Variants in MICAL2 observed in about 807,000 individuals in gnomAD.
The protein encoded by MICAL2 is microtubule associated monooxygenase, calponin and LIM domain containing 2, also known as [F-actin]-monooxygenase MICAL2.
MICAL2 carries 77 observed loss-of-function variants against 127.3 expected under a neutral mutation model. That is an observed-to-expected ratio of 0.60 (90% CI 0.50 to 0.73). The LOEUF is 0.73. Ranked by LOEUF, MICAL2 falls within the 30% of genes least tolerant of loss-of-function variation. MICAL2 has a pLI of 0.00. For synonymous variants in MICAL2, 570 were observed against 551.1 expected (o/e 1.03, Z -0.48); for missense variants, 1,351 against 1,434.4 (o/e 0.94, Z 0.94).
chr11:12,259,028 T>C (rs1862733937), intron 25 of MICAL2, among the ~76,000 whole-genome samples: 1 of 152,272 alleles, frequency 6.6e-6, no homozygotes, highest in Non-Finnish European at 1.5e-5. Flanking sequence ...GCATCTCTTC[T>C]GGCATCTCTT....
chr11:12,298,931 T>G (rs1215177315), intron 29 of MICAL2, among the ~76,000 whole-genome samples: 1 of 152,194 alleles, frequency 6.6e-6, no homozygotes, highest in African/African-American at 2.4e-5. Flanking sequence ...TATTTAACAT[T>G]TTTGCATTTA....
intron 1 of MICAL2, among the ~76,000 whole-genome samples, chr11:12,130,816 T>G (rs1851353344): frequency 1.3e-5 from 2 of 152,250 alleles, no homozygotes; most frequent in South Asian, 4.1e-4. Context: ...GCCTGGCAGG[T>G]CTGCAGAGCA....
chr11:12,260,551 G>A (rs1421100354), intron 26 of MICAL2: 6 of 1,003,900 alleles, frequency 6.0e-6, no homozygotes, highest in Non-Finnish European at 7.1e-6. Context: ...AGTTATCAAA[G>A]CCACTGCCTG....
Position 12,224,765 on chromosome 11 carries a change from T to TG in MICAL2, c.1635dup (p.Arg546AlafsTer16). 1.2e-6 allele frequency: 2 copies of TG among 1,614,218 alleles called. No individual in the cohort carries two copies. The highest frequency in any genetic ancestry group is 1.7e-6 in the Non-Finnish European group (2 of 1,180,032). ...CAACGTCACCGACCTGACCACATCC[T>TG]GGCGCAGTGGGTTGGCCCTGTGTGC... On this transcript the variant is annotated frameshift_variant, in exon 13 of 28. Coordinates refer to ENST00000683283, the MANE Select transcript of MICAL2 (RefSeq NM_001282663.2). LOFTEE classifies it high-confidence loss of function.
At chr11:12,171,834 C>T (rs1856294304) in intron 3 of MICAL2, among the ~76,000 whole-genome samples, 1 of 152,124 alleles carries the variant, frequency 6.6e-6, no homozygotes. Flanking sequence ...TTCTATTAGC[C>T]ACATTTTAGA....
At chr11:12,131,447 C>T (rs970658285) in intron 1 of MICAL2, among the ~76,000 whole-genome samples, 11 of 152,208 alleles carry the variant, frequency 7.2e-5, no homozygotes, top group African/African-American at 2.7e-4. Flanking sequence ...CCATCCCTGG[C>T]CCCAATTCTT....
intron 29 of MICAL2, among the ~76,000 whole-genome samples, chr11:12,300,901 C>T (rs1275054808): frequency 6.6e-6 from 1 of 152,168 alleles, no homozygotes; most frequent in Non-Finnish European, 1.5e-5. Context: ...CAAGTATATA[C>T]TCTTTTGTGC....
chr11:12,270,269 C>A (rs1012508233), intron 24 of MICAL2, among the ~76,000 whole-genome samples: 6 of 152,230 alleles, frequency 3.9e-5, no homozygotes, highest in Non-Finnish European at 7.3e-5. Flanking sequence ...CCTGTGTGTG[C>A]TCAGATGCCT....
chr11:12,355,685 C>G (rs1939118246), intron 34 of MICAL2, among the ~76,000 whole-genome samples: 1 of 152,200 alleles, frequency 6.6e-6, no homozygotes, highest in Non-Finnish European at 1.5e-5. Context: ...TTTTCGCGCC[C>G]AATTTACAAA....
intron 8 of MICAL2, among the ~76,000 whole-genome samples, chr11:12,219,082 C>T (rs921380927): frequency 6.6e-6 from 1 of 152,154 alleles, no homozygotes; most frequent in Non-Finnish European, 1.5e-5. Context: ...AGTTAAATAA[C>T]TGGCCCAGAT....
Position 12,241,178 on chromosome 11 carries a change from G to A in MICAL2, c.2337+16G>A. On this transcript the variant is annotated intron_variant, in intron 18 of 27. Coordinates refer to ENST00000683283, the MANE Select transcript of MICAL2 (RefSeq NM_001282663.2). The stretch of plus-strand genomic sequence containing the variant: ...GAAAAGGCAGGTAGGGCTCCTTCCA[G>A]TGGATGCTGTTTTGGTGAAGCCAGA... 6.2e-7 allele frequency: 1 copy of A among 1,610,166 alleles called. No individual in the cohort carries two copies. Among genetic ancestry groups the A allele is most frequent in the Non-Finnish European group, 8.5e-7 (1 of 1,177,936 alleles).
chr11:12,334,024 A>G (rs1938699196), intron 32 of MICAL2, among the ~76,000 whole-genome samples: 1 of 152,208 alleles, frequency 6.6e-6, no homozygotes, highest in South Asian at 2.1e-4. Context: ...AATCAATTCC[A>G]TAAAGATTAA....
At chr11:12,280,948 T>C in exon 2 of MICAL2, 1 of 399,040 alleles carries the variant, frequency 2.5e-6, no homozygotes, top group Non-Finnish European at 4.4e-6. Context: ...ACACAGAGTC[T>C]GACTATGGTG....
intron 26 of MICAL2, 155 bp downstream of exon 26, chr11:12,260,052 G>A (rs956562160): frequency 2.6e-6 from 4 of 1,540,258 alleles, no homozygotes; most frequent in Non-Finnish European, 3.5e-6. Flanking sequence ...TCCTGAGCCT[G>A]GGGCTGCCAC....
chr11:12,308,644 A>C (rs1388175791), intron 29 of MICAL2, among the ~76,000 whole-genome samples: 2 of 152,260 alleles, frequency 1.3e-5, no homozygotes, highest in Non-Finnish European at 2.9e-5. Context: ...GCTTTTAAAT[A>C]GAATTTTAGC....
intron 3 of MICAL2, among the ~76,000 whole-genome samples, chr11:12,167,731 G>A (rs1456002495): frequency 2.0e-5 from 3 of 152,040 alleles, no homozygotes; most frequent in East Asian, 1.9e-4. Flanking sequence ...ATAGACTGCC[G>A]GCCCTGCAAC....
At chr11:12,256,321 T>C (rs567476878) in intron 23 of MICAL2, 1 of 160,066 alleles carries the variant, frequency 6.2e-6, no homozygotes, top group Non-Finnish European at 1.4e-5. Context: ...CCACAAGCTT[T>C]CCTCACCCAA....
At chr11:12,318,751 T>G (rs995639541) in intron 29 of MICAL2, among the ~76,000 whole-genome samples, 1 of 152,220 alleles carries the variant, frequency 6.6e-6, no homozygotes, top group Non-Finnish European at 1.5e-5. Context: ...CTCTGCATCA[T>G]GTTGATGTGT....
At chr11:12,342,217 C>T (rs1054265253) in intron 32 of MICAL2, among the ~76,000 whole-genome samples, 8 of 152,316 alleles carry the variant, frequency 5.3e-5, no homozygotes, top group Non-Finnish European at 8.8e-5. Flanking sequence ...ATTGCAGCTG[C>T]GTCCTGGTTC....
Sources: gnomAD v4.1 joint callset for allele counts (sites outside exome capture counted in the v4.1 genomes callset) on GRCh38, gnomAD v4.1.1 for gene constraint, MANE v1.5 for transcripts, NCBI Gene and HGNC (gene_info 2026-07-23, HGNC 2026-07-21) for gene names.